The following DNAH12 variants were observed in gnomAD, a reference collection of about 807,000 sequenced individuals.
DNAH12 encodes dynein axonemal heavy chain 12.
A neutral mutation model predicts 371.5 loss-of-function variants in DNAH12; 285 were observed. That is an observed-to-expected ratio of 0.77 (90% confidence interval 0.70 to 0.85). The LOEUF (loss-of-function observed/expected upper bound fraction) is 0.85, where lower values mean the gene tolerates loss of function less well. Ranked by LOEUF, DNAH12 falls within the 40% of genes least tolerant of loss-of-function variation. DNAH12 has a pLI of 0.00. For synonymous variants in DNAH12, 1,200 were observed against 1,213.0 expected (o/e 0.99, Z 0.22); for missense variants, 3,611 against 3,689.4 (o/e 0.98, Z 0.55).
At chr3:57,462,632 T>A in intron 18 of DNAH12, 58 bp downstream of exon 18, 1 of 1,508,128 alleles carries the variant, frequency 6.6e-7, no homozygotes, top group East Asian at 2.5e-5. Flanking sequence ...ACAAAAACTA[T>A]GATTACTTGA....
At chr3:57,430,707 A>C (rs2064930606) in intron 32 of DNAH12, among the ~76,000 whole-genome samples, 1 of 152,166 alleles carries the variant, frequency 6.6e-6, no homozygotes, top group Non-Finnish European at 1.5e-5. Flanking sequence ...TTTATTACTA[A>C]GTCTTTTAAA....
At chr3:57,393,865 C>T (rs1440707323) in intron 44 of DNAH12, among the ~76,000 whole-genome samples, 1 of 151,950 alleles carries the variant, frequency 6.6e-6, no homozygotes, top group African/African-American at 2.4e-5. Context: ...TGTTTTCTTA[C>T]ATCAATGTAA....
Position 57,314,624 on chromosome 3 carries a change from T to TC in DNAH12, c.10531dup (p.Glu3511GlyfsTer32). 1 of 1,539,084 alleles carries TC rather than the reference T, an allele frequency of 6.5e-7. No homozygotes were observed. Among genetic ancestry groups the TC allele is most frequent in the East Asian group, 2.5e-5 (1 of 40,790 alleles). On this transcript the variant is annotated frameshift_variant, in exon 66 of 74. Coordinates refer to ENST00000495027, the MANE Select transcript of DNAH12 (RefSeq NM_001366028.2). LOFTEE classifies it high-confidence loss of function. ...AAAACAAACTCCAAACAGTAACTTC[T>TC]CCCAGGCCTTTAATATAAAAAGTAC...
At chr3:57,445,670 GTTTT>G (rs112997430) in intron 27 of DNAH12, among the ~76,000 whole-genome samples, 1 of 148,080 alleles carries the variant, frequency 6.8e-6, no homozygotes, top group Non-Finnish European at 1.5e-5. Context: ...ATTATGCTGG[GTTTT>G]TTTAATTCAC....
At chr3:57,459,058 G>A (rs749401725) in intron 20 of DNAH12, among the ~76,000 whole-genome samples, 23 of 152,188 alleles carry the variant, frequency 1.5e-4, no homozygotes, top group Admixed American at 2.6e-4. Flanking sequence ...ATGAAAAAGT[G>A]GATGCATATC....
intron 11 of DNAH12, among the ~76,000 whole-genome samples, chr3:57,499,244 G>C (rs2067427557): frequency 6.6e-6 from 1 of 152,068 alleles, no homozygotes; most frequent in South Asian, 2.1e-4. Flanking sequence ...GGGGTATAAG[G>C]AAGGTTTCTG....
intron 39 of DNAH12, among the ~76,000 whole-genome samples, chr3:57,409,837 T>A (rs782030140): frequency 2.0e-5 from 3 of 152,170 alleles, no homozygotes; most frequent in African/African-American, 4.8e-5. Flanking sequence ...AGGTGCTATA[T>A]CTTACATGTG....
intron 43 of DNAH12, among the ~76,000 whole-genome samples, chr3:57,401,035 A>G (rs2063845637): frequency 1.3e-5 from 2 of 152,234 alleles, no homozygotes; most frequent in African/African-American, 4.8e-5. Flanking sequence ...CAATGGTACA[A>G]AACTAGAAAT....
At chr3:57,543,807 G>A (rs1029097974) in intron 1 of DNAH12, among the ~76,000 whole-genome samples, 1 of 151,702 alleles carries the variant, frequency 6.6e-6, no homozygotes, top group African/African-American at 2.4e-5. Context: ...AGCACTTTGG[G>A]AGGCCGAGGT....
At position 57,507,910 on chromosome 3, in the gene DNAH12, C is replaced by T. The variant is rs138639056; in HGVS notation, c.702-72G>A. On this transcript the variant is annotated intron_variant, in intron 7 of 73. Transcript: ENST00000495027. The stretch of plus-strand genomic sequence containing the variant: ...TGGTCTTAAAACACAATTGTTGGGC[C>T]GGGCTCGGTGGTTCACACCTGTAAT... 1.8e-4 allele frequency: 240 copies of T among 1,365,646 alleles called. 1 individual carries two copies. In the African/African-American group the frequency reaches 2.2e-3, roughly 12 times the overall value. The allele number at this position is 1,365,646 out of a possible 1,614,324, so 84.6% of individuals were successfully genotyped here.
intron 55 of DNAH12, among the ~76,000 whole-genome samples, chr3:57,370,023 C>A (rs2063136309): frequency 6.6e-6 from 1 of 152,050 alleles, no homozygotes; most frequent in South Asian, 2.1e-4. Flanking sequence ...TCTAAGTATA[C>A]CTTACTCTAG....
intron 60 of DNAH12, among the ~76,000 whole-genome samples, chr3:57,345,497 A>G (rs782802346): frequency 1.7e-4 from 26 of 152,322 alleles, no homozygotes; most frequent in Middle Eastern, 3.4e-3. Flanking sequence ...TGAAGAGATC[A>G]CTTTTTACTG....
In DNAH12 at chr3:57,471,580, T is replaced by A; in HGVS notation, c.1803A>T (p.Lys601Asn). The change falls in exon 15 of 74, where the codon AAA becomes AAT. Residue 601 changes from lysine to asparagine, a missense_variant. Lys to Asn is a moderately conservative substitution (Grantham distance 94). This residue lies in a region of DNAH12 where 1,314 missense variants were observed against 1,398.7 expected (regional missense o/e 0.94). Coordinates refer to ENST00000495027, the MANE Select transcript of DNAH12 (RefSeq NM_001366028.2). ...DELIENAKHKKENELMAKREK... is the reference protein window; with the variant it reads ...DELIENAKHKNENELMAKREK... Reference sequence around the variant, plus strand: ...CTCTCTTGGCCATTAGTTCATTTTCTTTTTTATGTTTAGCATTCTCAATTA... The same window carrying A: ...CTCTCTTGGCCATTAGTTCATTTTCATTTTTATGTTTAGCATTCTCAATTA... 1 of 1,544,252 alleles carries A rather than the reference T, an allele frequency of 6.5e-7. No homozygotes were observed. The highest frequency in any genetic ancestry group is 1.2e-5 in the South Asian group (1 of 82,308).
chr3:57,445,921 G>A (rs1194897425), intron 27 of DNAH12, 110 bp downstream of exon 27: 7 of 1,025,404 alleles, frequency 6.8e-6, no homozygotes, highest in Non-Finnish European at 6.6e-6. Flanking sequence ...CCGGGAGGTG[G>A]AGGTTGCAGT....
At chr3:57,348,680 T>C (rs1467541515) in intron 60 of DNAH12, among the ~76,000 whole-genome samples, 4 of 152,116 alleles carry the variant, frequency 2.6e-5, no homozygotes, top group African/African-American at 9.7e-5. Context: ...GGGCAAGATA[T>C]AGAAAACTAT....
intron 4 of DNAH12, chr3:57,520,056 G>A (rs1020197074): frequency 1.5e-4 from 86 of 575,238 alleles, no homozygotes; most frequent in Admixed American, 5.2e-4. Context: ...GGGGAAAGCC[G>A]GAGGCTGTGG....
intron 59 of DNAH12, among the ~76,000 whole-genome samples, chr3:57,356,887 T>G (rs1432177937): frequency 2.0e-5 from 3 of 151,872 alleles, no homozygotes; most frequent in Admixed American, 2.0e-4. Context: ...GGATTACAGG[T>G]GCCCGCCACC....
intron 60 of DNAH12, among the ~76,000 whole-genome samples, chr3:57,338,534 G>A (rs868909557): frequency 2.6e-5 from 4 of 151,496 alleles, no homozygotes; most frequent in South Asian, 2.1e-4. Flanking sequence ...GAGGTGAGGA[G>A]CGTCTCTGCC....
intron 60 of DNAH12, among the ~76,000 whole-genome samples, chr3:57,345,438 C>T (rs2062516597): frequency 6.6e-6 from 1 of 152,060 alleles, no homozygotes; most frequent in East Asian, 1.9e-4. Context: ...TTATGTTATT[C>T]CAAGTTTGTG....
Sources: allele counts gnomAD v4.1 joint callset (sites outside exome capture counted in the v4.1 genomes callset), GRCh38; gene constraint gnomAD v4.1.1; regional missense constraint gnomAD v4.1.1; transcripts MANE v1.5; gene names NCBI Gene and HGNC (gene_info 2026-07-23, HGNC 2026-07-21).